GPHN: variants seen among roughly 807,000 people sequenced by gnomAD.
GPHN encodes gephyrin.
In GPHN, 17 loss-of-function variants were observed where a neutral mutation model predicts 95.5. The ratio of observed to expected loss-of-function variants is 0.18; its 90% CI spans 0.12 to 0.27. The LOEUF (loss-of-function observed/expected upper bound fraction) is 0.27. GPHN is among the 10% of genes least tolerant of loss of function. The probability of loss-of-function intolerance (pLI) is 1.00; values close to 1 mark genes in which losing one functional copy is unlikely to be tolerated. For synonymous variants in GPHN, 320 were observed against 322.5 expected, an observed-to-expected ratio of 0.99 and a Z score of 0.08; for missense variants, 660 against 978.1, an observed-to-expected ratio of 0.67 and a Z score of 4.34.
At chr14:66,938,991 A>T (rs181083554) in intron 8 of GPHN, among the ~76,000 whole-genome samples, 7 of 152,334 alleles carry the variant, frequency 4.6e-5, no homozygotes, top group South Asian at 4.1e-4. Context: ...GGATATTCAC[A>T]TGCAAAAGAA....
chr14:67,650,749 T>G, the GPHN span: 8 of 1,614,002 alleles, frequency 5.0e-6, no homozygotes, highest in Non-Finnish European at 6.8e-6. Context: ...TTGAAGTCAA[T>G]CCTCAGTTGG....
At chr14:67,052,442 T>C (rs758739568) in intron 10 of GPHN, among the ~76,000 whole-genome samples, 2 of 151,682 alleles carry the variant, frequency 1.3e-5, no homozygotes, top group Non-Finnish European at 2.9e-5. Flanking sequence ...AGGACCTAGA[T>C]TCATAAAACA....
the GPHN span, among the ~76,000 whole-genome samples, chr14:67,366,871 T>A: frequency 7.2e-6 from 1 of 139,386 alleles, no homozygotes; most frequent in African/African-American, 3.0e-5. Flanking sequence ...CCTTTTTTTT[T>A]GACCTAAGTA....
At chr14:66,617,664 T>C (rs1254952286) in intron 1 of GPHN, among the ~76,000 whole-genome samples, 1 of 152,198 alleles carries the variant, frequency 6.6e-6, no homozygotes, top group Non-Finnish European at 1.5e-5. Context: ...CTAGATAGTC[T>C]TAATCAGATT....
chr14:66,582,756 T>C (rs2061243510), intron 1 of GPHN, among the ~76,000 whole-genome samples: 2 of 152,192 alleles, frequency 1.3e-5, no homozygotes, highest in Non-Finnish European at 2.9e-5. Context: ...GGTGTATATG[T>C]GCCACATTTT....
At chr14:66,691,887 C>G (rs1410443044) in intron 2 of GPHN, among the ~76,000 whole-genome samples, 1 of 152,066 alleles carries the variant, frequency 6.6e-6, no homozygotes, top group Non-Finnish European at 1.5e-5. Context: ...CAAACAATAG[C>G]AAAAACTATC....
chr14:67,379,746 C>G, the GPHN span, among the ~76,000 whole-genome samples: 4 of 139,696 alleles, frequency 2.9e-5, no homozygotes. Context: ...GCTCCGCCTC[C>G]CGGGTTCACA....
At chr14:67,104,774 G>T (rs531608613) in intron 13 of GPHN, among the ~76,000 whole-genome samples, 1 of 151,946 alleles carries the variant, frequency 6.6e-6, no homozygotes, top group African/African-American at 2.4e-5. Flanking sequence ...TGTCAATTTT[G>T]TTTATATTTG....
chr14:67,241,890 G>T, the GPHN span: 1 of 152,012 alleles, frequency 6.6e-6, no homozygotes, highest in Non-Finnish European at 1.5e-5. Context: ...CGCGACGCGC[G>T]GGACTCTCCC....
the GPHN span, among the ~76,000 whole-genome samples, chr14:67,391,095 C>T: frequency 2.0e-5 from 3 of 152,076 alleles, no homozygotes; most frequent in African/African-American, 7.2e-5. Context: ...AAACTTGAAC[C>T]CAAGGGCACC....
the GPHN span, among the ~76,000 whole-genome samples, chr14:67,269,168 T>C: frequency 2.0e-5 from 3 of 152,252 alleles, no homozygotes; most frequent in Non-Finnish European, 4.4e-5. Flanking sequence ...ATCCTGTTTG[T>C]AGGGTTAATC....
chr14:66,915,941 A>G, intron 5 of GPHN, 62 bp from the exon 6 acceptor site: 2 of 869,698 alleles, frequency 2.3e-6, no homozygotes, highest in Non-Finnish European at 4.0e-6. Flanking sequence ...ATTTGTTCTT[A>G]ATGTATTTAA....
the GPHN span, among the ~76,000 whole-genome samples, chr14:67,672,554 T>G: frequency 6.6e-6 from 1 of 151,232 alleles, no homozygotes; most frequent in African/African-American, 2.4e-5. Flanking sequence ...CAAGCAATTC[T>G]GCCTCAGCCT....
At chr14:67,045,386 CT>C (rs1212050130) in intron 10 of GPHN, among the ~76,000 whole-genome samples, 7 of 152,042 alleles carry the variant, frequency 4.6e-5, no homozygotes, top group African/African-American at 1.5e-4. Flanking sequence ...CTATCTCTGT[CT>C]CCCTCTCTGT....
the GPHN span, among the ~76,000 whole-genome samples, chr14:67,191,664 G>GCTCC: frequency 6.6e-6 from 1 of 152,132 alleles, no homozygotes; most frequent in Admixed American, 6.6e-5. Flanking sequence ...AGCCCTAATG[G>GCTCC]AGCCTTGATC....
At chr14:67,594,059 G>C in the GPHN span, 1 of 702,984 alleles carries the variant, frequency 1.4e-6, no homozygotes, top group East Asian at 2.7e-5. Context: ...TTTTATTTGG[G>C]TTCTAAGGTG....
intron 1 of GPHN, among the ~76,000 whole-genome samples, chr14:66,565,414 T>C (rs139106809): frequency 2.8e-3 from 426 of 152,182 alleles, no homozygotes; most frequent in African/African-American, 9.9e-3. Flanking sequence ...TTCTCTCATC[T>C]CAGCCTCCCG....
At chr14:66,509,950 T>C (rs964172142) in intron 1 of GPHN, among the ~76,000 whole-genome samples, 1 of 152,198 alleles carries the variant, frequency 6.6e-6, no homozygotes, top group Non-Finnish European at 1.5e-5. Context: ...TTTTTCTCTT[T>C]TAAGTAAAGG....
the GPHN span, among the ~76,000 whole-genome samples, chr14:67,679,808 G>C: frequency 6.6e-6 from 1 of 152,076 alleles, no homozygotes; most frequent in African/African-American, 2.4e-5. Flanking sequence ...CATCTGGTAA[G>C]CATTCAGTCA....
Sources: allele counts gnomAD v4.1 joint callset (sites outside exome capture counted in the v4.1 genomes callset), GRCh38; gene constraint gnomAD v4.1.1; transcripts MANE v1.5; gene names NCBI Gene and HGNC (gene_info 2026-07-23, HGNC 2026-07-21).